Variants in INSR observed in about 807,000 individuals in gnomAD.
INSR encodes IR.
INSR carries 67 observed loss-of-function variants against 142.6 expected under a neutral mutation model. The ratio of observed to expected loss-of-function variants is 0.47; its 90% CI spans 0.39 to 0.58. The LOEUF is 0.58. Among genes scored for constraint, INSR ranks in the 20% least tolerant of loss-of-function variants. The pLI, the probability that INSR is intolerant of heterozygous loss-of-function variation, is 0.00. For missense variants in INSR, 1,248 were observed against 1,833.2 expected, an observed-to-expected ratio of 0.68 and a Z score of 5.83; for synonymous variants, 756 against 743.1, an observed-to-expected ratio of 1.02 and a Z score of -0.28.
chr19:7,286,122 G>A (rs1046043120), intron 1 of INSR, among the ~76,000 whole-genome samples: 2 of 151,830 alleles, frequency 1.3e-5, no homozygotes, highest in African/African-American at 2.4e-5. Context: ...TGGGACCACA[G>A]GTGCTCACCA....
At chr19:7,287,191 G>A (rs943109076) in intron 1 of INSR, among the ~76,000 whole-genome samples, 8 of 136,538 alleles carry the variant, frequency 5.9e-5, no homozygotes, top group Admixed American at 1.6e-4. Context: ...ATGGAGTTTC[G>A]CTCTGTCACC....
In INSR at chr19:7,246,850, GTTCCAAGTTGT is replaced by G. The variant is rs1260219274; in HGVS notation, c.652+20484_652+20494del. ...CCATGACTGAACTTGGATACAACAA[GTTCCAAGTTGT>G]ATGTTTCAGGGTGGTTTGTTACACA... is the stretch of plus-strand genomic sequence containing the variant. On this transcript the variant is annotated intron_variant, in intron 2 of 21. Transcript: ENST00000302850. Among the ~76,000 whole-genome samples the G allele has an allele frequency of 8.1e-4, 114 of 141,064 alleles. 42 individuals carry two copies. The highest frequency in any genetic ancestry group is 3.4e-3 in the African/African-American group (109 of 31,956). 92.5% of individuals were successfully genotyped at this position (141,064 alleles called of 152,430 possible).
intron 2 of INSR, among the ~76,000 whole-genome samples, chr19:7,249,469 C>T (rs1352120891): frequency 2.0e-5 from 3 of 152,158 alleles, no homozygotes; most frequent in Non-Finnish European, 2.9e-5. Context: ...GGAGGCCCGT[C>T]GGCACCGTTT....
intron 1 of INSR, among the ~76,000 whole-genome samples, chr19:7,270,340 C>CACACACACACACACAA: frequency 2.7e-5 from 1 of 37,332 alleles, no homozygotes; most frequent in Non-Finnish European, 5.2e-5. Context: ...CTCTCTCTCT[C>CACACACACACACACAA]ACACACACAC....
chr19:7,152,995 A>ACACACC, intron 9 of INSR, 68 bp from the exon 10 acceptor site: 7 of 766,358 alleles, frequency 9.1e-6, no homozygotes, highest in Non-Finnish European at 1.2e-5. Flanking sequence ...ACACACACAC[A>ACACACC]CCCCACACAC....
Position 7,162,410 on chromosome 19 carries a change from C to T in INSR, c.2029+622G>A, listed in dbSNP as rs138403689. On this transcript the variant is annotated intron_variant, in intron 9 of 21. Transcript: ENST00000302850. ...TGTGGTGTTCCAGCAACTCATGAGG[C>T]TGAGGCAAGAGGATTGCTTGAGCCT... Among the ~76,000 whole-genome samples, 966 of 149,882 alleles carry T rather than the reference C, an allele frequency of 6.4e-3. 5 individuals are homozygous for T. The highest frequency in any genetic ancestry group is 0.063 in the Middle Eastern group (18 of 286).
intron 1 of INSR, among the ~76,000 whole-genome samples, chr19:7,292,465 G>A (rs1968519211): frequency 7.5e-6 from 1 of 133,620 alleles, no homozygotes; most frequent in African/African-American, 2.7e-5. Flanking sequence ...ACCTGGGGGC[G>A]GGGCTGGGGG....
At chr19:7,232,699 A>G (rs1976020488) in intron 2 of INSR, among the ~76,000 whole-genome samples, 1 of 151,630 alleles carries the variant, frequency 6.6e-6, no homozygotes, top group African/African-American at 2.4e-5. Context: ...AGTCCCAGCT[A>G]CTTGGGAGGC....
At chr19:7,268,622 C>T (rs1349171930) in intron 1 of INSR, 2 of 985,024 alleles carry the variant, frequency 2.0e-6, no homozygotes, top group African/African-American at 1.7e-5. Flanking sequence ...AGACTCCTAT[C>T]CTCCTCTGTA....
At chr19:7,269,613 G>T (rs1034617377) in intron 1 of INSR, among the ~76,000 whole-genome samples, 3 of 150,784 alleles carry the variant, frequency 2.0e-5, no homozygotes, top group African/African-American at 7.3e-5. Flanking sequence ...CCTAGTCAGG[G>T]ACCCAACCCC....
Position 7,125,025 on chromosome 19 carries a change from TGAAA to T in INSR, c.3258+254_3258+257del, listed in dbSNP as rs1189054693. Reference sequence around the variant, plus strand: ...AATGATGGAAGATTCCAGAAAGTGATGAAAGATTCTGGAAAGCAATGAAACATTC... The same window carrying T: ...AATGATGGAAGATTCCAGAAAGTGATGATTCTGGAAAGCAATGAAACATTC... On this transcript the variant is annotated intron_variant, in intron 17 of 21. Coordinates refer to ENST00000302850, the MANE Select transcript of INSR (RefSeq NM_000208.4). This position sits in a 1 kb window ranked among gnomAD's most constrained non-coding sequence, Gnocchi z 4.9. 6.6e-6 allele frequency among the ~76,000 whole-genome samples: 1 copy of T among 151,792 alleles called. No individual in the cohort carries two copies. Among genetic ancestry groups the T allele is most frequent in the African/African-American group, 2.4e-5 (1 of 41,294 alleles).
At chr19:7,151,442 ATT>A (rs35890851) in intron 10 of INSR, among the ~76,000 whole-genome samples, 97,624 of 142,058 alleles carry the variant, frequency 0.69, 35,302 homozygotes, top group Non-Finnish European at 0.83. Flanking sequence ...ATGTCTGGCT[ATT>A]TTTTTTTTTT....
intron 11 of INSR, 121 bp from the exon 12 acceptor site, chr19:7,143,211 T>C: frequency 1.9e-6 from 2 of 1,063,820 alleles, no homozygotes; most frequent in Non-Finnish European, 1.4e-6. Context: ...GGTGCAGCAA[T>C]GGGGAACATG....
intron 2 of INSR, among the ~76,000 whole-genome samples, chr19:7,215,649 C>CCA (rs1975410566): frequency 6.6e-6 from 1 of 151,878 alleles, no homozygotes; most frequent in African/African-American, 2.4e-5. Context: ...CTCACTGCAA[C>CCA]CTTCGCCTCC....
chr19:7,122,803 A>G, intron 18 of INSR, 30 bp from the exon 19 acceptor site: 2 of 1,614,058 alleles, frequency 1.2e-6, no homozygotes, highest in Non-Finnish European at 1.7e-6. Flanking sequence ...TTGGTGTTTC[A>G]GCAGCACTGG....
chr19:7,241,270 C>T (rs1198649549), intron 2 of INSR, among the ~76,000 whole-genome samples: 1 of 151,012 alleles, frequency 6.6e-6, no homozygotes, highest in Non-Finnish European at 1.5e-5. Flanking sequence ...CCTCCAACTC[C>T]TGGGCTCAAA....
rs188054418 is a variant in INSR, at chr19:7,284,360, C to T, written c.100+9432G>A. The stretch of plus-strand genomic sequence containing the variant: ...ATTGCAGATGTGAGCCACCGTGCCC[C>T]GCCACGCTGCCTTTTCTCCACAAGG... On this transcript the variant is annotated intron_variant, in intron 1 of 21. Transcript: ENST00000302850. Among the ~76,000 whole-genome samples the T allele has an allele frequency of 1.4e-4, 21 of 152,016 alleles. No individual in the cohort carries two copies. The East Asian group carries it at 4.1e-3, about 29-fold the overall frequency.
rs867456857 is a variant in INSR, at chr19:7,118,767, T to G, written c.3794+682A>C. ...TAAAAATACAAAAAAAAAAAAAAATTAGCCAGGCGCGGTGGTGGGTGCCTG... is the reference window on the plus strand; with the variant it reads ...TAAAAATACAAAAAAAAAAAAAAATGAGCCAGGCGCGGTGGTGGGTGCCTG... On this transcript the variant is annotated intron_variant, in intron 21 of 21. Transcript: ENST00000302850. Among the ~76,000 whole-genome samples the G allele has an allele frequency of 3.2e-3, 348 of 108,950 alleles. 1 individual carries two copies. Among genetic ancestry groups the G allele is most frequent in the African/African-American group, 9.9e-3 (320 of 32,440 alleles). The allele number at this position is 108,950 out of a possible 152,430, so 71.5% of individuals were successfully genotyped here. A position where few individuals can be genotyped will look rare whatever the true frequency, so the allele number is the denominator to read the frequency against.
chr19:7,202,693 G>GT (rs1974996539), intron 2 of INSR, among the ~76,000 whole-genome samples: 1 of 152,066 alleles, frequency 6.6e-6, no homozygotes, highest in East Asian at 1.9e-4. Context: ...TAGAGACGGG[G>GT]TTTCACCATG....
Sources: gnomAD v4.1 joint callset for allele counts (sites outside exome capture counted in the v4.1 genomes callset) on GRCh38, gnomAD v4.1.1 for gene constraint, Gnocchi (gnomAD v3.1) non-coding constraint, MANE v1.5 for transcripts, NCBI Gene and HGNC (gene_info 2026-07-23, HGNC 2026-07-21) for gene names.